Variants in PLEKHA6 observed in about 807,000 individuals in gnomAD.
PLEKHA6 encodes the protein pleckstrin homology domain-containing family A member 6.
PLEKHA6 carries 60 observed loss-of-function variants against 116.7 expected under a neutral mutation model. The ratio of observed to expected loss-of-function variants is 0.51; its 90% CI spans 0.42 to 0.64. The LOEUF (loss-of-function observed/expected upper bound fraction) is 0.64, where lower values mean the gene tolerates loss of function less well. Among genes scored for constraint, PLEKHA6 ranks in the 30% least tolerant of loss-of-function variants. The pLI is 0.00. For missense variants in PLEKHA6, 1,338 were observed against 1,422.7 expected (o/e 0.94, Z 0.96); for synonymous variants, 489 against 556.1 (o/e 0.88, Z 1.70).
At chr1:204,282,815 G>T in intron 1 of PLEKHA6, 1 of 985,160 alleles carries the variant, frequency 1.0e-6, no homozygotes, top group Non-Finnish European at 1.2e-6. Flanking sequence ...TCTAAAGAGA[G>T]GGGGAATTCA....
In PLEKHA6 at chr1:204,259,407, C is replaced by T. The variant is rs748758153; in HGVS notation, c.858G>A (p.Pro286=). The T allele has an allele frequency of 4.6e-5, 74 of 1,614,122 alleles. No homozygotes were observed. In the South Asian group the frequency reaches 5.4e-4, roughly 12 times the overall value. ...SPSRPGSTAF[P]SQDGETGGHR... ...GTCCCCCAGTCTCTCCATCCTGAGA[C>T]GGGAAAGCTGTGCTCCCTGGCCGGC... Residue 286 remains proline, a synonymous_variant, in exon 8 of 23, where the codon CCG becomes CCA. Coordinates refer to ENST00000272203, the MANE Select transcript of PLEKHA6 (RefSeq NM_014935.5). The surrounding 1 kb of genome is among the most constrained non-coding windows in gnomAD (Gnocchi z 4.6).
In PLEKHA6 at chr1:204,219,220, C is replaced by CGTGT. The variant is rs375763839; in HGVS notation, c.*3564_*3567dup. On this transcript the variant is annotated 3_prime_UTR_variant, in exon 23 of 23. Coordinates refer to ENST00000272203, the MANE Select transcript of PLEKHA6 (RefSeq NM_014935.5). ...CCCAATATGTGCATAAATAGATATA[C>CGTGT]GTGTGTGTGTGTGTGTGTGTGTATA... 734 of 146,698 alleles carry CGTGT rather than the reference C, an allele frequency of 5.0e-3. 4 individuals carry two copies. The highest frequency in any genetic ancestry group is 0.015 in the South Asian group (67 of 4,440). The allele number at this position is 146,698 out of a possible 1,614,324, so 9.1% of individuals were successfully genotyped here. A position where few individuals can be genotyped will look rare whatever the true frequency, so the allele number is the denominator to read the frequency against.
rs1665783348 is a variant in PLEKHA6, at chr1:204,259,273, G to A, written c.992C>T (p.Pro331Leu). 1 of 1,613,682 alleles carries A rather than the reference G, an allele frequency of 6.2e-7. No individual in the cohort carries two copies. The highest frequency in any genetic ancestry group is 1.3e-5 in the African/African-American group (1 of 74,952). The change falls in exon 8 of 23, where the codon CCT becomes CTT. Residue 331 changes from proline to leucine, a missense_variant. Pro to Leu is a moderately conservative substitution (Grantham distance 98, BLOSUM62 -3). Around this residue, in one of 3 missense-constraint regions of PLEKHA6, gnomAD observed 1,136 missense variants for 1,163.6 expected, o/e 0.98. Coordinates refer to ENST00000272203, the MANE Select transcript of PLEKHA6 (RefSeq NM_014935.5). This position sits in a 1 kb window ranked among gnomAD's most constrained non-coding sequence, Gnocchi z 4.6. ...CATGCCTCACCTCCGAAGGTCTTCA[G>A]GCGGGGGTACCCCCCGGCGCAGATT... The part of the protein sequence containing the change: ...WVNLRRGVPP[P>L]EDLRSPSRFY...
Position 204,277,127 on chromosome 1 carries a change from G to A in PLEKHA6, c.-94-2318C>T, listed in dbSNP as rs572644078. 4.6e-5 allele frequency: 7 copies of A among 152,806 alleles called. No homozygotes were observed. The South Asian group carries it at 8.3e-4, about 18-fold the overall frequency. 9.5% of individuals were successfully genotyped at this position (152,806 alleles called of 1,614,324 possible). On this transcript the variant is annotated intron_variant, in intron 1 of 22. Transcript: ENST00000272203. The surrounding 1 kb of genome is among the most constrained non-coding windows in gnomAD (Gnocchi z 4.1). Reference sequence around the variant, plus strand: ...AGAAGTAAGTCCTCTGGTCCAACTCGTAAGGCTGTGGCAGAGATGCAGAGT... The same window carrying A: ...AGAAGTAAGTCCTCTGGTCCAACTCATAAGGCTGTGGCAGAGATGCAGAGT...
chr1:204,317,030 C>T (rs977022011), intron 1 of PLEKHA6: 2 of 153,970 alleles, frequency 1.3e-5, no homozygotes, highest in African/African-American at 4.8e-5. Context: ...GAGGTACCTT[C>T]CAGTCTCCTC....
At position 204,257,515 on chromosome 1, in the gene PLEKHA6, G is replaced by T. The variant is rs1264727446; in HGVS notation, c.1362C>A (p.His454Gln). The change falls in exon 9 of 23, where the codon CAC becomes CAA. Residue 454 changes from histidine to glutamine, a missense_variant. Physicochemically the swap from His to Gln is conservative, Grantham distance 24. Around this residue, in one of 3 missense-constraint regions of PLEKHA6, gnomAD observed 1,136 missense variants for 1,163.6 expected, o/e 0.98. Coordinates refer to ENST00000272203, the MANE Select transcript of PLEKHA6 (RefSeq NM_014935.5). This position sits in a 1 kb window ranked among gnomAD's most constrained non-coding sequence, Gnocchi z 6.5. ...LRRLSLQPRS[H>Q]SVPRSPSQGS... Reference sequence around the variant, plus strand: ...CCTGGCTGGGTGAGCGGGGCACAGAGTGGGAGCGGGGCTGCAGGGACAGGC... The same window carrying T: ...CCTGGCTGGGTGAGCGGGGCACAGATTGGGAGCGGGGCTGCAGGGACAGGC... The T allele has an allele frequency of 8.2e-6, 13 of 1,590,540 alleles. No individual in the cohort carries two copies. Among genetic ancestry groups the T allele is most frequent in the Middle Eastern group, 1.7e-4 (1 of 5,970 alleles).
intron 8 of PLEKHA6, among the ~76,000 whole-genome samples, chr1:204,258,581 G>A (rs1447715822): frequency 1.3e-5 from 2 of 152,202 alleles, no homozygotes; most frequent in East Asian, 1.9e-4. Flanking sequence ...GGTTCCTCCC[G>A]GGCCCCATGG....
intron 1 of PLEKHA6, chr1:204,301,536 C>T (rs573272556): frequency 1.1e-6 from 1 of 884,016 alleles, no homozygotes; most frequent in Admixed American, 6.2e-5. Flanking sequence ...CTCTCTCCAC[C>T]CTACCACCAC....
At chr1:204,354,908 C>T (rs890373488) in intron 1 of PLEKHA6, among the ~76,000 whole-genome samples, 3 of 152,190 alleles carry the variant, frequency 2.0e-5, no homozygotes, top group African/African-American at 4.8e-5. Context: ...AGTACCAGCC[C>T]CAGTGGAGTA....
At chr1:204,375,191 G>A (rs527333997) in intron 1 of PLEKHA6, among the ~76,000 whole-genome samples, 4 of 151,854 alleles carry the variant, frequency 2.6e-5, no homozygotes, top group East Asian at 3.9e-4. Flanking sequence ...CTTCTGGGTC[G>A]TTCTACCCCC....
intron 3 of PLEKHA6, among the ~76,000 whole-genome samples, chr1:204,269,492 G>C (rs1354453358): frequency 1.3e-5 from 2 of 148,314 alleles, no homozygotes; most frequent in African/African-American, 5.0e-5. Flanking sequence ...TTGCCACAGA[G>C]CCACAGTCCC....
upstream of PLEKHA6, among the ~76,000 whole-genome samples, chr1:204,360,661 T>A (rs1673539459): frequency 2.0e-5 from 3 of 151,930 alleles, no homozygotes; most frequent in South Asian, 6.2e-4. Context: ...AGGCTTAATT[T>A]TTTAATCAAG....
rs1179276082 is a variant in PLEKHA6, at chr1:204,241,827, G to T, written c.2173-13C>A. 1.2e-6 allele frequency: 2 copies of T among 1,614,000 alleles called. No homozygotes were observed. The highest frequency in any genetic ancestry group is 2.2e-5 in the South Asian group (2 of 91,072). ...AGTTTGCCTTGGGCTGGGGAGAAAG[G>T]GTGAGAAGATGGTTGATGTTAGTAT... On this transcript the variant is annotated splice_polypyrimidine_tract_variant and intron_variant, in intron 15 of 22. Transcript: ENST00000272203.
chr1:204,228,847 G>T lies in PLEKHA6; in HGVS notation c.2766C>A (p.Asp922Glu). 1.9e-6 allele frequency: 3 copies of T among 1,614,158 alleles called. No homozygotes were observed. The South Asian group carries it at 3.3e-5, about 18-fold the overall frequency. Residue 922 changes from aspartate (D) to glutamate (E), a missense_variant, in exon 20 of 23, where the codon GAC becomes GAA. Around this residue, in one of 3 missense-constraint regions of PLEKHA6, gnomAD observed 1,136 missense variants for 1,163.6 expected, o/e 0.98. Coordinates refer to ENST00000272203, the MANE Select transcript of PLEKHA6 (RefSeq NM_014935.5). This position sits in a 1 kb window ranked among gnomAD's most constrained non-coding sequence, Gnocchi z 4.0. ...TGTACCGTTCAGGGATGAGGACTTT[G>T]TCTGGAGTGGAGAGCTATGGAGGGG... ...VDINKELSTPDKVLIPERYID... is the reference protein window; with the variant it reads ...VDINKELSTPEKVLIPERYID...
At chr1:204,246,933 A>G (rs1286197234) in intron 13 of PLEKHA6, among the ~76,000 whole-genome samples, 1 of 152,142 alleles carries the variant, frequency 6.6e-6, no homozygotes, top group Non-Finnish European at 1.5e-5. Context: ...CTCAGGAGTT[A>G]GAGACCAGCC....
At chr1:204,351,900 C>T (rs537505682) in intron 1 of PLEKHA6, among the ~76,000 whole-genome samples, 6 of 152,286 alleles carry the variant, frequency 3.9e-5, no homozygotes, top group Non-Finnish European at 8.8e-5. Flanking sequence ...ATGGTAAAAA[C>T]TCATCTCTAC....
chr1:204,376,370 A>G (rs1673871137), intron 1 of PLEKHA6, among the ~76,000 whole-genome samples: 3 of 152,242 alleles, frequency 2.0e-5, no homozygotes. Flanking sequence ...TGATTCTTAT[A>G]AACTCTAATG....
In PLEKHA6 at chr1:204,261,120, G is replaced by A. The variant is rs183399578; in HGVS notation, c.524+186C>T. Among the ~76,000 whole-genome samples the A allele has an allele frequency of 1.3e-5, 2 of 152,192 alleles. No individual in the cohort carries two copies. Among genetic ancestry groups the A allele is most frequent in the African/African-American group, 4.8e-5 (2 of 41,448 alleles). On this transcript the variant is annotated intron_variant, in intron 7 of 22. Coordinates refer to ENST00000272203, the MANE Select transcript of PLEKHA6 (RefSeq NM_014935.5). This position sits in a 1 kb window ranked among gnomAD's most constrained non-coding sequence, Gnocchi z 4.0. ...AGAGAAGAGGAGGAGCTGGCTAGGG[G>A]AAGAGAGACTTCAGGCTCTGAAATC...
Position 204,279,485 on chromosome 1 carries a change from T to A in PLEKHA6, c.-94-4676A>T, listed in dbSNP as rs1572039286. 2.6e-5 allele frequency among the ~76,000 whole-genome samples: 4 copies of A among 152,376 alleles called. No homozygotes were observed. The South Asian group carries it at 8.3e-4, about 32-fold the overall frequency. ...GGGAAACAAGGACAGGTAATCCGTT[T>A]TCTCCTTCTTCTCTCCTTCCTTTTG... On this transcript the variant is annotated intron_variant, in intron 1 of 22. Coordinates refer to ENST00000272203, the MANE Select transcript of PLEKHA6 (RefSeq NM_014935.5).
Sources: allele counts gnomAD v4.1 joint callset (sites outside exome capture counted in the v4.1 genomes callset), GRCh38; gene constraint gnomAD v4.1.1; regional missense constraint gnomAD v4.1.1; non-coding constraint Gnocchi (gnomAD v3.1); transcripts MANE v1.5; gene names NCBI Gene and HGNC (gene_info 2026-07-23, HGNC 2026-07-21).